SDK1: variants seen among roughly 807,000 people sequenced by gnomAD.
SDK1 encodes sidekick cell adhesion molecule 1, also known as protein sidekick-1.
In SDK1, 157 loss-of-function variants were observed where a neutral mutation model predicts 245.5. That is an observed-to-expected ratio of 0.64 (90% CI 0.56 to 0.73). The LOEUF is 0.73. Ranked by LOEUF, SDK1 falls within the 30% of genes least tolerant of loss-of-function variation. SDK1 has a pLI of 0.00. For missense variants in SDK1, 3,583 were observed against 3,002.3 expected, an observed-to-expected ratio of 1.19 and a Z score of -4.52; for synonymous variants, 1,647 against 1,278.5, an observed-to-expected ratio of 1.29 and a Z score of -6.15.
intron 9 of SDK1, 68 bp from the exon 10 acceptor site, chr7:3,967,250 A>C: frequency 8.2e-7 from 1 of 1,217,188 alleles, no homozygotes; most frequent in Non-Finnish European, 1.2e-6. Flanking sequence ...CGTGCAGGAT[A>C]CTCTGCCAGG....
At chr7:3,902,112 C>T (rs1014459795) in intron 5 of SDK1, among the ~76,000 whole-genome samples, 4 of 152,158 alleles carry the variant, frequency 2.6e-5, no homozygotes, top group Admixed American at 6.5e-5. Context: ...ATGATATTTA[C>T]GAACCAAGAT....
At chr7:3,401,543 C>G (rs1042370447) in intron 1 of SDK1, among the ~76,000 whole-genome samples, 18 of 152,208 alleles carry the variant, frequency 1.2e-4, no homozygotes, top group African/African-American at 4.3e-4. Flanking sequence ...ATAACAAGAC[C>G]ACTCATGGCC....
intron 4 of SDK1, among the ~76,000 whole-genome samples, chr7:3,804,401 G>C (rs989681070): frequency 5.3e-5 from 8 of 152,060 alleles, no homozygotes; most frequent in African/African-American, 1.9e-4. Flanking sequence ...TGGCCCTACT[G>C]TTACGGGTCT....
intron 4 of SDK1, among the ~76,000 whole-genome samples, chr7:3,695,166 T>C (rs1379068457): frequency 6.6e-6 from 1 of 152,218 alleles, no homozygotes; most frequent in Non-Finnish European, 1.5e-5. Flanking sequence ...CACAGAATTC[T>C]TACAAGACAG....
At chr7:4,046,142 A>G (rs1054087797) in intron 17 of SDK1, among the ~76,000 whole-genome samples, 3 of 150,046 alleles carry the variant, frequency 2.0e-5, no homozygotes, top group African/African-American at 7.4e-5. Flanking sequence ...GGGTCTCACT[A>G]TGTTGCCCAG....
In SDK1 at chr7:3,692,151, T is replaced by TA. The variant is rs1353635353; in HGVS notation, c.713+50047dup. On this transcript the variant is annotated intron_variant, in intron 4 of 44. Coordinates refer to ENST00000404826, the MANE Select transcript of SDK1 (RefSeq NM_152744.4). The stretch of plus-strand genomic sequence containing the variant: ...CTTATATTAATAATTTTATTGTAAT[T>TA]ATGATTTCTGTTCAGAGACCCAACA... 2.6e-5 allele frequency among the ~76,000 whole-genome samples: 4 copies of TA among 152,166 alleles called. No homozygotes were observed. In the East Asian group the frequency reaches 7.7e-4, roughly 29 times the overall value.
At chr7:3,441,905 G>T (rs901449526) in intron 1 of SDK1, among the ~76,000 whole-genome samples, 1 of 152,086 alleles carries the variant, frequency 6.6e-6, no homozygotes, top group African/African-American at 2.4e-5. Flanking sequence ...ACTGGGAATT[G>T]GTCTTTTTGC....
chr7:4,247,048 T>G (rs1786915471), intron 44 of SDK1, among the ~76,000 whole-genome samples: 1 of 152,184 alleles, frequency 6.6e-6, no homozygotes, highest in African/African-American at 2.4e-5. Flanking sequence ...TGAACTTTTT[T>G]CTTTTGGATA....
chr7:4,009,910 G>A (rs546324362), intron 14 of SDK1, among the ~76,000 whole-genome samples: 7 of 152,212 alleles, frequency 4.6e-5, no homozygotes, highest in South Asian at 2.1e-4. Context: ...GAATCCCCGC[G>A]GTTGGGGCTG....
chr7:4,056,118 ATT>A (rs1165486577), intron 19 of SDK1, among the ~76,000 whole-genome samples: 7 of 150,438 alleles, frequency 4.7e-5, no homozygotes, highest in East Asian at 1.9e-4. Flanking sequence ...TCAATTGTAA[ATT>A]TTATGTCTCA....
intron 1 of SDK1, among the ~76,000 whole-genome samples, chr7:3,413,551 C>T (rs1177363941): frequency 9.2e-5 from 14 of 152,004 alleles, no homozygotes. Flanking sequence ...GAAAATTAGG[C>T]ATGGCGGTGG....
chr7:3,385,414 A>G (rs530499212), intron 1 of SDK1, among the ~76,000 whole-genome samples: 96 of 152,284 alleles, frequency 6.3e-4, no homozygotes, highest in Middle Eastern at 6.8e-3. Flanking sequence ...ACTAATTTTC[A>G]TAAGTAATGA....
intron 13 of SDK1, among the ~76,000 whole-genome samples, chr7:3,983,966 C>T (rs1303523142): frequency 4.6e-5 from 7 of 152,130 alleles, no homozygotes; most frequent in Admixed American, 2.0e-4. Context: ...GTAGCTCTTG[C>T]CGCCTACACT....
In SDK1 at chr7:4,163,432, C is replaced by T. The variant is rs114489280; in HGVS notation, c.4800+1576C>T. On this transcript the variant is annotated intron_variant, in intron 32 of 44. Transcript: ENST00000404826. ...GGGGATGTCCCGGCCACATGCCCTC[C>T]GCCGGTGCAGGGGAGGCAGGAAGGG... is the stretch of plus-strand genomic sequence containing the variant. 2.7e-3 allele frequency among the ~76,000 whole-genome samples: 417 copies of T among 152,242 alleles called. 3 individuals carry two copies. Among genetic ancestry groups the T allele is most frequent in the African/African-American group, 8.6e-3 (359 of 41,552 alleles).
At chr7:3,706,551 G>A (rs562796502) in intron 4 of SDK1, among the ~76,000 whole-genome samples, 5 of 152,124 alleles carry the variant, frequency 3.3e-5, no homozygotes, top group African/African-American at 1.2e-4. Context: ...ACAGGTGCCC[G>A]CCACCACACC....
intron 17 of SDK1, among the ~76,000 whole-genome samples, chr7:4,024,688 A>G (rs186597375): frequency 1.3e-5 from 2 of 152,342 alleles, no homozygotes; most frequent in African/African-American, 4.8e-5. Flanking sequence ...AGAGGCAAAG[A>G]TGGAATCTCA....
At chr7:4,093,458 CAAAAAAAAAA>C (rs71032922) in intron 22 of SDK1, among the ~76,000 whole-genome samples, 5 of 77,780 alleles carry the variant, frequency 6.4e-5, no homozygotes, top group South Asian at 4.1e-4. Context: ...AAATGGAAAG[CAAAAAAAAAA>C]AAAAAAAAAA....
At chr7:4,147,554 C>G (rs1780061409) in intron 29 of SDK1, among the ~76,000 whole-genome samples, 1 of 152,166 alleles carries the variant, frequency 6.6e-6, no homozygotes, top group Non-Finnish European at 1.5e-5. Context: ...AGGTGTGAGC[C>G]CCTGCCTTTG....
intron 5 of SDK1, among the ~76,000 whole-genome samples, chr7:3,828,178 T>C (rs989226827): frequency 5.9e-5 from 9 of 151,974 alleles, no homozygotes; most frequent in African/African-American, 2.2e-4. Flanking sequence ...CTCAGGAGGC[T>C]GAGGCAGGAA....
Sources: gnomAD v4.1 joint callset for allele counts (sites outside exome capture counted in the v4.1 genomes callset) on GRCh38, gnomAD v4.1.1 for gene constraint, MANE v1.5 for transcripts, NCBI Gene and HGNC (gene_info 2026-07-23, HGNC 2026-07-21) for gene names.